TMEM200A: variants seen among roughly 807,000 people sequenced by gnomAD.
TMEM200A encodes the protein two transmembrane C.
TMEM200A carries 12 observed loss-of-function variants against 24.3 expected under a neutral mutation model. The ratio of observed to expected loss-of-function variants is 0.49; its 90% CI spans 0.32 to 0.80. The LOEUF is 0.80. TMEM200A is among the 30% of genes least tolerant of loss of function. The pLI is 0.04. For missense variants in TMEM200A, 545 were observed against 614.4 expected, an observed-to-expected ratio of 0.89 and a Z score of 1.19; for synonymous variants, 224 against 224.4, an observed-to-expected ratio of 1.00 and a Z score of 0.02.
Position 130,366,684 on chromosome 6 carries a change from C to G in TMEM200A, c.-81+160C>G. The G allele has an allele frequency of 1.6e-6, 1 of 634,094 alleles. No individual in the cohort carries two copies. The highest frequency in any genetic ancestry group is 7.0e-5 in the South Asian group (1 of 14,290). 39.3% of individuals were successfully genotyped at this position (634,094 alleles called of 1,614,324 possible). On this transcript the variant is annotated intron_variant, in intron 1 of 2. Transcript: ENST00000296978. The surrounding 1 kb of genome is among the most constrained non-coding windows in gnomAD (Gnocchi z 4.4). The stretch of plus-strand genomic sequence containing the variant: ...CTCTCCTAAAGTTTGGGAAATAAAC[C>G]AAGTCCGCCATCAGGTCCAGACTCC...
At chr6:130,374,605 G>A (rs1397325249) in intron 1 of TMEM200A, among the ~76,000 whole-genome samples, 1 of 151,868 alleles carries the variant, frequency 6.6e-6, no homozygotes, top group African/African-American at 2.4e-5. Context: ...GTTATTTTTA[G>A]TAGAGATGGA....
intron 2 of TMEM200A, among the ~76,000 whole-genome samples, chr6:130,419,684 A>C (rs1779537830): frequency 6.6e-6 from 1 of 152,184 alleles, no homozygotes; most frequent in South Asian, 2.1e-4. Context: ...GCAAGAGGGA[A>C]TCTTTGTGGA....
In TMEM200A at chr6:130,434,113, T is replaced by G. The variant is rs1448885837; in HGVS notation, c.-16-6294T>G. Among the ~76,000 whole-genome samples the G allele has an allele frequency of 2.0e-5, 3 of 152,244 alleles. No homozygotes were observed. In the East Asian group the frequency reaches 5.8e-4, roughly 29 times the overall value. ...CAGGGATGAGGTTTTATTAACTTTG[T>G]GTCCCTAGTGCCTAGAACATTTCAA... On this transcript the variant is annotated intron_variant, in intron 2 of 2. Coordinates refer to ENST00000296978, the MANE Select transcript of TMEM200A (RefSeq NM_001258277.2).
rs199680799 is a variant in TMEM200A at position 130,441,274 on chromosome 6, C to A, written c.852C>A (p.Ser284=). The A allele has an allele frequency of 1.2e-6, 2 of 1,613,990 alleles. No individual in the cohort carries two copies. The highest frequency in any genetic ancestry group is 1.7e-6 in the Non-Finnish European group (2 of 1,180,002). The change falls in exon 3 of 3, where the codon TCC becomes TCA. Residue 284 remains serine, a synonymous_variant. Transcript: ENST00000296978. ...AAACCAAGTCAATTGTGTCATCGTC[C>A]ATCAGTGCTTTTACATTGCCTGTGA... is the stretch of plus-strand genomic sequence containing the variant. The part of the protein sequence containing the change: ...KCETKSIVSS[S]ISAFTLPVIK...
rs1216909548 is a variant in TMEM200A, at chr6:130,442,906, A to G, written c.*1008A>G. The G allele has an allele frequency of 1.2e-5, 2 of 165,110 alleles. No homozygotes were observed. The highest frequency in any genetic ancestry group is 4.8e-5 in the African/African-American group (2 of 41,376). 10.2% of individuals were successfully genotyped at this position (165,110 alleles called of 1,614,324 possible). On this transcript the variant is annotated 3_prime_UTR_variant, in exon 3 of 3. Transcript: ENST00000296978. ...CATATGCCACTATCTCGGTAGTTCA[A>G]AAAAATTTAGTTCTTGATAAATTGC...
intron 2 of TMEM200A, among the ~76,000 whole-genome samples, chr6:130,390,125 C>A (rs62432233): frequency 0.14 from 21,573 of 152,176 alleles, 1,732 homozygotes; most frequent in East Asian, 0.35. Flanking sequence ...TGCCCAACAA[C>A]CCCCAAATTA....
At position 130,366,627 on chromosome 6, in the gene TMEM200A, C is replaced by A. The variant is rs1778157930; in HGVS notation, c.-81+103C>A. ...CAGCCCTCTGCCCTCCCCTCCCCTC[C>A]GCTACAGCCTCCAGAGTTAGGTAAA... On this transcript the variant is annotated intron_variant, in intron 1 of 2. Coordinates refer to ENST00000296978, the MANE Select transcript of TMEM200A (RefSeq NM_001258277.2). This position sits in a 1 kb window ranked among gnomAD's most constrained non-coding sequence, Gnocchi z 4.4. The A allele has an allele frequency of 3.2e-6, 3 of 931,890 alleles. No homozygotes were observed. In the South Asian group the frequency reaches 1.5e-4, roughly 46 times the overall value. The allele number at this position is 931,890 out of a possible 1,614,324, so 57.7% of individuals were successfully genotyped here.
Position 130,441,436 on chromosome 6 carries a change from C to G in TMEM200A, c.1014C>G (p.Phe338Leu). 1 of 1,614,092 alleles carries G rather than the reference C, an allele frequency of 6.2e-7. No individual in the cohort carries two copies. The highest frequency in any genetic ancestry group is 8.5e-7 in the Non-Finnish European group (1 of 1,180,004). The change falls in exon 3 of 3, where the codon TTC (phenylalanine) becomes TTG (leucine). Residue 338 changes from phenylalanine to leucine, a missense_variant. Coordinates refer to ENST00000296978, the MANE Select transcript of TMEM200A (RefSeq NM_001258277.2). ...VVPLPNTSESFQPVSTVLPRN... is the reference protein window; with the variant it reads ...VVPLPNTSESLQPVSTVLPRN... ...CTTTGCCCAACACCAGTGAATCCTT[C>G]CAGCCCGTCAGCACAGTGCTACCAA...
intron 1 of TMEM200A, chr6:130,383,161 G>A (rs1778640655): frequency 1.5e-6 from 1 of 653,756 alleles, no homozygotes; most frequent in South Asian, 6.8e-5. Flanking sequence ...CGTAGCATCG[G>A]GCAAGACAGT....
At position 130,366,861 on chromosome 6, in the gene TMEM200A, G is replaced by C. The variant is rs1017858795; in HGVS notation, c.-81+337G>C. 6.6e-5 allele frequency among the ~76,000 whole-genome samples: 10 copies of C among 152,214 alleles called. No individual in the cohort carries two copies. Among genetic ancestry groups the C allele is most frequent in the African/African-American group, 2.4e-4 (10 of 41,458 alleles). On this transcript the variant is annotated intron_variant, in intron 1 of 2. Transcript: ENST00000296978. The surrounding 1 kb of genome is among the most constrained non-coding windows in gnomAD (Gnocchi z 4.4). ...TGTAATGTCCACAGCGTTAATTCATGATTGAGCAAAGTATGGTCAGGGTTT... is the reference window on the plus strand; with the variant it reads ...TGTAATGTCCACAGCGTTAATTCATCATTGAGCAAAGTATGGTCAGGGTTT...
chr6:130,407,077 A>C (rs1179596635), intron 2 of TMEM200A, among the ~76,000 whole-genome samples: 3 of 152,130 alleles, frequency 2.0e-5, no homozygotes, highest in Admixed American at 6.6e-5. Flanking sequence ...GGGGAGAGTG[A>C]AGCCTCCATT....
Position 130,431,367 on chromosome 6 carries a change from T to G in TMEM200A, c.-16-9040T>G, listed in dbSNP as rs1316501432. On this transcript the variant is annotated intron_variant, in intron 2 of 2. Transcript: ENST00000296978. ...AAGTCCAATTTGTGATTTTAAATGCTTCAGTTCTTCATCCAGGAATATCTT... is the reference window on the plus strand; with the variant it reads ...AAGTCCAATTTGTGATTTTAAATGCGTCAGTTCTTCATCCAGGAATATCTT... Among the ~76,000 whole-genome samples, 3 of 152,214 alleles carry G rather than the reference T, an allele frequency of 2.0e-5. No individual in the cohort carries two copies. The East Asian group carries it at 5.8e-4, about 29-fold the overall frequency.
intron 2 of TMEM200A, among the ~76,000 whole-genome samples, chr6:130,391,071 G>A (rs1179114372): frequency 6.6e-6 from 1 of 152,176 alleles, no homozygotes; most frequent in Admixed American, 6.5e-5. Flanking sequence ...CATACATACA[G>A]CAGTCACTGC....
Position 130,441,164 on chromosome 6 carries a change from T to C in TMEM200A, c.742T>C (p.Ser248Pro), listed in dbSNP as rs1780160810. The change falls in exon 3 of 3, where the codon TCT becomes CCT. Residue 248 changes from serine to proline, a missense_variant. Coordinates refer to ENST00000296978, the MANE Select transcript of TMEM200A (RefSeq NM_001258277.2). ...SSGHLMPPLLSDSSVSVFGLY... is the reference protein window; with the variant it reads ...SSGHLMPPLLPDSSVSVFGLY... ...TGGGCATCTTATGCCCCCTTTGCTC[T>C]CTGACAGCTCTGTGTCTGTCTTTGG... 20 of 1,613,984 alleles carry C rather than the reference T, an allele frequency of 1.2e-5. No homozygotes were observed. The highest frequency in any genetic ancestry group is 1.7e-5 in the Non-Finnish European group (20 of 1,179,980).
intron 2 of TMEM200A, among the ~76,000 whole-genome samples, chr6:130,405,141 C>G (rs1015581721): frequency 9.2e-5 from 14 of 152,042 alleles, no homozygotes; most frequent in South Asian, 2.1e-4. Context: ...GCTATTGGAG[C>G]TCTTTTTGGT....
intron 2 of TMEM200A, among the ~76,000 whole-genome samples, chr6:130,440,097 T>C (rs73771839): frequency 0.1 from 15,225 of 152,072 alleles, 2,321 homozygotes; most frequent in African/African-American, 0.33. Context: ...CAGGGGACTA[T>C]TTTATATTAA....
intron 2 of TMEM200A, among the ~76,000 whole-genome samples, chr6:130,424,691 A>C (rs1779686426): frequency 6.6e-6 from 1 of 152,110 alleles, no homozygotes; most frequent in East Asian, 1.9e-4. Flanking sequence ...ATGGGAAGAA[A>C]TTGTTATCCC....
chr6:130,441,099 TGGA>T lies in TMEM200A; in HGVS notation c.684_686del (p.Glu228del), dbSNP rs1562576529. 1 of 1,614,036 alleles carries T rather than the reference TGGA, an allele frequency of 6.2e-7. No homozygotes were observed. Among genetic ancestry groups the T allele is most frequent in the South Asian group, 1.1e-5 (1 of 91,076 alleles). On this transcript the variant is annotated inframe_deletion, in exon 3 of 3. Transcript: ENST00000296978. ...AGCAGTTTTCGAATGGACAGCTCCG[TGGA>T]GGAGGATGAACTTATGTTAAATGAA...
intron 2 of TMEM200A, among the ~76,000 whole-genome samples, chr6:130,423,563 C>CA (rs1195519390): frequency 6.6e-6 from 1 of 151,980 alleles, no homozygotes; most frequent in Non-Finnish European, 1.5e-5. Flanking sequence ...ATGTTGCTAA[C>CA]AAAAAACCTT....
Sources: gnomAD v4.1 joint callset for allele counts (sites outside exome capture counted in the v4.1 genomes callset) on GRCh38, gnomAD v4.1.1 for gene constraint, Gnocchi (gnomAD v3.1) non-coding constraint, MANE v1.5 for transcripts, NCBI Gene and HGNC (gene_info 2026-07-23, HGNC 2026-07-21) for gene names.